The following SLC1A2 variants were observed in gnomAD, a reference collection of about 807,000 sequenced individuals.
SLC1A2 encodes solute carrier family 1 member 2, also known as excitatory amino acid transporter 2.
In SLC1A2, 15 loss-of-function variants were observed where a neutral mutation model predicts 48.8. The ratio of observed to expected loss-of-function variants is 0.31; its 90% CI spans 0.21 to 0.47. The LOEUF (loss-of-function observed/expected upper bound fraction) is 0.47, where lower values mean the gene tolerates loss of function less well. SLC1A2 is among the 20% of genes least tolerant of loss of function. SLC1A2 has a pLI of 0.99. For missense variants in SLC1A2, 502 were observed against 730.5 expected, an observed-to-expected ratio of 0.69 and a Z score of 3.61; for synonymous variants, 279 against 272.6, an observed-to-expected ratio of 1.02 and a Z score of -0.23.
chr11:35,284,798 T>C (rs10836364), intron 8 of SLC1A2, among the ~76,000 whole-genome samples: 49,008 of 151,984 alleles, frequency 0.32, 9,090 homozygotes, highest in South Asian at 0.53. Context: ...CTAGAACACA[T>C]AGAGGACATG....
intron 1 of SLC1A2, among the ~76,000 whole-genome samples, chr11:35,335,883 G>A (rs963517763): frequency 4.6e-5 from 7 of 152,146 alleles, no homozygotes; most frequent in African/African-American, 1.7e-4. Flanking sequence ...ATTAAAAAAT[G>A]TTGTTAAAAA....
chr11:35,391,443 G>C (rs760201924), intron 1 of SLC1A2: 3 of 152,284 alleles, frequency 2.0e-5, no homozygotes, highest in Non-Finnish European at 4.4e-5. Flanking sequence ...AAGTCACAGA[G>C]CTGGGATTTG....
chr11:35,274,704 T>C (rs1850385494), intron 9 of SLC1A2, among the ~76,000 whole-genome samples: 1 of 152,174 alleles, frequency 6.6e-6, no homozygotes. Context: ...ATCCACTAAA[T>C]TGGGATAAGT....
At chr11:35,420,226 G>A (rs1317773336), upstream of SLC1A2, among the ~76,000 whole-genome samples, 1 of 151,276 alleles carries the variant, frequency 6.6e-6, no homozygotes, top group Non-Finnish European at 1.5e-5. Flanking sequence ...TGAGTGGCGG[G>A]GGACGGTTCT....
At chr11:35,350,831 C>T (rs536865601) in intron 1 of SLC1A2, among the ~76,000 whole-genome samples, 3 of 152,288 alleles carry the variant, frequency 2.0e-5, no homozygotes, top group Non-Finnish European at 2.9e-5. Context: ...ACTGAAGTGT[C>T]CTCAATTCAT....
intron 1 of SLC1A2, among the ~76,000 whole-genome samples, chr11:35,401,397 A>G (rs1440522230): frequency 6.6e-6 from 1 of 152,222 alleles, no homozygotes; most frequent in East Asian, 1.9e-4. Context: ...GTTATCCGTC[A>G]TGTTGATATC....
chr11:35,293,313 TG>T (rs1275226029), intron 6 of SLC1A2, among the ~76,000 whole-genome samples: 1 of 152,166 alleles, frequency 6.6e-6, no homozygotes, highest in African/African-American at 2.4e-5. Context: ...AACTCCCAAC[TG>T]GGGGATTTTC....
chr11:35,385,523 G>A (rs985395666), intron 1 of SLC1A2, among the ~76,000 whole-genome samples: 36 of 152,184 alleles, frequency 2.4e-4, no homozygotes, highest in Non-Finnish European at 1.2e-4. Flanking sequence ...CTGGGTAGCA[G>A]TCAAATGTTC....
Position 35,312,175 on chromosome 11 carries a change from A to T in SLC1A2, c.561+23T>A, listed in dbSNP as rs201944308. ...GATAACTTAGAGGACTGGAGAAGAG[A>T]GAACATCTGAACTCTGGGTTACCTG... On this transcript the variant is annotated intron_variant, in intron 4 of 10. Transcript: ENST00000278379. 8.0e-5 allele frequency: 129 copies of T among 1,611,908 alleles called. No homozygotes were observed. The East Asian group carries it at 2.2e-3, about 28-fold the overall frequency.
chr11:35,401,011 G>A lies in SLC1A2; in HGVS notation c.17+17939C>T, dbSNP rs114599421. On this transcript the variant is annotated intron_variant, in intron 1 of 10. Coordinates refer to ENST00000278379, the MANE Select transcript of SLC1A2 (RefSeq NM_004171.4). ...ACTGGAAGCAAGGAGGTGGGTGGGC[G>A]GGGCTTCTATGTGATAGGTAGGTTC... 6.1e-3 allele frequency among the ~76,000 whole-genome samples: 922 copies of A among 152,268 alleles called. 10 individuals are homozygous for A. Among genetic ancestry groups the A allele is most frequent in the African/African-American group, 0.021 (884 of 41,552 alleles).
intron 10 of SLC1A2, chr11:35,261,526 C>G: frequency 2.5e-6 from 1 of 396,262 alleles, no homozygotes; most frequent in Non-Finnish European, 4.4e-6. Flanking sequence ...CAATGTTTAT[C>G]TAAATTACTT....
chr11:35,412,985 G>C (rs2756221), intron 1 of SLC1A2, among the ~76,000 whole-genome samples: 6 of 152,026 alleles, frequency 3.9e-5, no homozygotes, highest in Non-Finnish European at 8.8e-5. Flanking sequence ...TTTGGGGGGT[G>C]GGGGGAAAGG....
chr11:35,327,348 T>C (rs1394670483), intron 1 of SLC1A2, among the ~76,000 whole-genome samples: 1 of 150,806 alleles, frequency 6.6e-6, no homozygotes, highest in East Asian at 1.9e-4. Context: ...CCCATACTGG[T>C]GGATTTCCCA....
intron 1 of SLC1A2, among the ~76,000 whole-genome samples, chr11:35,362,982 G>A (rs963479326): frequency 2.0e-5 from 3 of 152,220 alleles, no homozygotes; most frequent in African/African-American, 7.2e-5. Context: ...ACCTGATGAG[G>A]TAGCACTACT....
chr11:35,395,132 G>A (rs916196442), intron 1 of SLC1A2, among the ~76,000 whole-genome samples: 4 of 152,130 alleles, frequency 2.6e-5, no homozygotes, highest in Non-Finnish European at 5.9e-5. Context: ...GGGATCCACT[G>A]TGGACAGGAG....
At chr11:35,357,302 C>G (rs1378348595) in intron 1 of SLC1A2, among the ~76,000 whole-genome samples, 1 of 150,970 alleles carries the variant, frequency 6.6e-6, no homozygotes, top group Admixed American at 6.6e-5. Context: ...AAATTCAAAT[C>G]CATTAATTTT....
intron 1 of SLC1A2, among the ~76,000 whole-genome samples, chr11:35,394,373 G>T (rs1035688733): frequency 1.3e-5 from 2 of 152,124 alleles, no homozygotes; most frequent in African/African-American, 4.8e-5. Flanking sequence ...GGTGTCCACA[G>T]ATGGGGGGAC....
intron 9 of SLC1A2, among the ~76,000 whole-genome samples, chr11:35,277,068 C>T (rs777996063): frequency 2.0e-5 from 3 of 152,174 alleles, no homozygotes; most frequent in Admixed American, 2.0e-4. Context: ...TTTTATAATG[C>T]ACCAACCCCA....
intron 1 of SLC1A2, among the ~76,000 whole-genome samples, chr11:35,327,181 C>A (rs1333830192): frequency 1.3e-5 from 2 of 152,064 alleles, no homozygotes; most frequent in Non-Finnish European, 2.9e-5. Context: ...CATGAGTGTG[C>A]AGTTTGTGGA....
Sources: allele counts gnomAD v4.1 joint callset (sites outside exome capture counted in the v4.1 genomes callset), GRCh38; gene constraint gnomAD v4.1.1; transcripts MANE v1.5; gene names NCBI Gene and HGNC (gene_info 2026-07-23, HGNC 2026-07-21).